The following NPHP4 variants were observed in gnomAD, a reference collection of about 807,000 sequenced individuals.
The protein encoded by NPHP4 is nephrocystin 4, also known as nephrocystin-4.
Under a neutral mutation model 155.8 loss-of-function variants are expected in NPHP4, and 151 were observed. The ratio of observed to expected loss-of-function variants is 0.97; its 90% CI spans 0.85 to 1.11. NPHP4 has a LOEUF of 1.11. Among genes scored for constraint, NPHP4 ranks in the 50% least tolerant of loss-of-function variants. NPHP4 has a pLI of 0.00. For missense variants in NPHP4, 1,956 were observed against 1,925.7 expected, an observed-to-expected ratio of 1.02 and a Z score of -0.29; for synonymous variants, 845 against 816.8, an observed-to-expected ratio of 1.03 and a Z score of -0.59.
At chr1:5,876,403 T>C (rs1468191657) in intron 20 of NPHP4, 1 of 152,628 alleles carries the variant, frequency 6.6e-6, no homozygotes, top group African/African-American at 2.4e-5. Flanking sequence ...CTTCTCACCA[T>C]GCCTCTTCCT....
At chr1:5,909,997 G>A (rs1339554482) in intron 11 of NPHP4, among the ~76,000 whole-genome samples, 1 of 152,170 alleles carries the variant, frequency 6.6e-6, no homozygotes, top group Non-Finnish European at 1.5e-5. Context: ...CTCAGCCCCT[G>A]CACCTCAGCA....
intron 2 of NPHP4, among the ~76,000 whole-genome samples, chr1:5,981,712 CTATT>C (rs1654732740): frequency 1.3e-5 from 2 of 152,190 alleles, no homozygotes; most frequent in Non-Finnish European, 2.9e-5. Flanking sequence ...TATATGAATT[CTATT>C]TATCTTCTTT....
intron 28 of NPHP4, 50 bp downstream of exon 28, chr1:5,864,288 C>T: frequency 1.3e-6 from 2 of 1,518,196 alleles, no homozygotes; most frequent in Non-Finnish European, 1.8e-6. Flanking sequence ...CTGCAGTGCC[C>T]TGGTATTGAG....
intron 11 of NPHP4, among the ~76,000 whole-genome samples, chr1:5,914,293 G>T (rs904410060): frequency 1.6e-5 from 2 of 127,962 alleles, no homozygotes; most frequent in Non-Finnish European, 3.2e-5. Context: ...AAAAGGCCTG[G>T]TGTGGTGGCA....
intron 11 of NPHP4, among the ~76,000 whole-genome samples, chr1:5,911,942 G>A (rs1645198052): frequency 6.6e-6 from 1 of 152,190 alleles, no homozygotes. Flanking sequence ...AGTCTGGGAA[G>A]CCTGACTTCC....
intron 2 of NPHP4, among the ~76,000 whole-genome samples, chr1:5,980,165 T>C (rs1654423842): frequency 6.6e-6 from 1 of 151,804 alleles, no homozygotes; most frequent in South Asian, 2.1e-4. Flanking sequence ...TAATCAAGTC[T>C]CTGCCCATGC....
rs116719272 is a variant in NPHP4 at position 5,975,667 on chromosome 1, C to T, written c.279+2603G>A. Reference sequence around the variant, plus strand: ...CCACCAGCACAGGTATTCCAGACTCCGAAAAGCCACCAGCTCCTAGTCTCC... The same window carrying T: ...CCACCAGCACAGGTATTCCAGACTCTGAAAAGCCACCAGCTCCTAGTCTCC... On this transcript the variant is annotated intron_variant, in intron 3 of 29. Coordinates refer to ENST00000378156, the MANE Select transcript of NPHP4 (RefSeq NM_015102.5). 5.5e-3 allele frequency among the ~76,000 whole-genome samples: 840 copies of T among 152,318 alleles called. 11 individuals carry two copies. Among genetic ancestry groups the T allele is most frequent in the African/African-American group, 0.019 (798 of 41,572 alleles).
chr1:5,980,407 C>T lies in NPHP4; in HGVS notation c.136-1994G>A, dbSNP rs1422857174. 2.7e-5 allele frequency among the ~76,000 whole-genome samples: 4 copies of T among 147,118 alleles called. No individual in the cohort carries two copies. In the East Asian group the frequency reaches 7.8e-4, roughly 29 times the overall value. ...GGCCAGGGAGGAGAGAAGGAATGAG[C>T]GCCAGGCGCAAGAGCGTTCAGGCAG... On this transcript the variant is annotated intron_variant, in intron 2 of 29. Transcript: ENST00000378156.
chr1:5,945,390 T>C (rs981321440), intron 9 of NPHP4, among the ~76,000 whole-genome samples: 1 of 148,368 alleles, frequency 6.7e-6, no homozygotes, highest in Admixed American at 6.7e-5. Flanking sequence ...TTAGCTGAAA[T>C]TTCTGGTCAT....
At chr1:5,879,598 T>A (rs202097188) in intron 19 of NPHP4, 160 of 519,090 alleles carry the variant, frequency 3.1e-4, no homozygotes, top group Non-Finnish European at 5.1e-4. Context: ...GGGTTCCCAC[T>A]TCTCCAAACA....
rs191289431 is a variant in NPHP4 at position 5,880,245 on chromosome 1, T to A, written c.2486-6A>T. 1 of 1,613,174 alleles carries A rather than the reference T, an allele frequency of 6.2e-7. No individual in the cohort carries two copies. Among genetic ancestry groups the A allele is most frequent in the East Asian group, 2.2e-5 (1 of 44,874 alleles). ...TTTCTGTTCACACGGGTGACCTACA[T>A]GAAAAACATCCCAACATAAGACATG... On this transcript the variant is annotated splice_region_variant and splice_polypyrimidine_tract_variant and intron_variant, in intron 18 of 29. Coordinates refer to ENST00000378156, the MANE Select transcript of NPHP4 (RefSeq NM_015102.5).
In NPHP4 at chr1:5,952,689, T is replaced by A. The variant is rs567382723; in HGVS notation, c.810+11A>T. 8 of 1,513,070 alleles carry A rather than the reference T, an allele frequency of 5.3e-6. No homozygotes were observed. The highest frequency in any genetic ancestry group is 2.6e-5 in the East Asian group (1 of 38,804). The allele number at this position is 1,513,070 out of a possible 1,614,324, so 93.7% of individuals were successfully genotyped here. ...CCCACCCTGCCCCCCATCACGCTTC[T>A]GACTCCACACCTCCTGGAAGTGGTC... On this transcript the variant is annotated intron_variant, in intron 7 of 29. Transcript: ENST00000378156.
At chr1:5,978,750 G>A (rs1338498767) in intron 2 of NPHP4, among the ~76,000 whole-genome samples, 3 of 152,158 alleles carry the variant, frequency 2.0e-5, no homozygotes, top group Admixed American at 6.5e-5. Flanking sequence ...CAACAGGTGA[G>A]AGAGAACAAG....
chr1:5,915,358 C>T lies in NPHP4; in HGVS notation c.1442-6145G>A, dbSNP rs557413289. On this transcript the variant is annotated intron_variant, in intron 11 of 29. Coordinates refer to ENST00000378156, the MANE Select transcript of NPHP4 (RefSeq NM_015102.5). ...GAAGAAGGGTTGCAAAAAGTAGCTTCCTTTCATCAGGCCGTGAAAATAAAG... is the reference window on the plus strand; with the variant it reads ...GAAGAAGGGTTGCAAAAAGTAGCTTTCTTTCATCAGGCCGTGAAAATAAAG... Among the ~76,000 whole-genome samples, 6 of 152,268 alleles carry T rather than the reference C, an allele frequency of 3.9e-5. No homozygotes were observed. In the South Asian group the frequency reaches 1.2e-3, roughly 32 times the overall value.
intron 16 of NPHP4, among the ~76,000 whole-genome samples, chr1:5,898,762 C>CA (rs1644522884): frequency 6.6e-6 from 1 of 152,160 alleles, no homozygotes. Flanking sequence ...GGTATGGGGC[C>CA]AGTGCTTTAA....
At chr1:5,972,176 C>G (rs920061231) in intron 3 of NPHP4, among the ~76,000 whole-genome samples, 29 of 152,258 alleles carry the variant, frequency 1.9e-4, no homozygotes, top group Non-Finnish European at 4.4e-5. Context: ...CAGAGAGGAG[C>G]TGAGCAGGAA....
At chr1:5,938,263 T>C (rs1054205884) in intron 9 of NPHP4, among the ~76,000 whole-genome samples, 1 of 152,210 alleles carries the variant, frequency 6.6e-6, no homozygotes, top group Admixed American at 6.5e-5. Context: ...CTCTTGGCCC[T>C]TGAGGCGAAC....
chr1:5,875,037 G>C lies in NPHP4; in HGVS notation c.2881C>G (p.Arg961Gly). ...CTGGCGATGCTCTCGGCCTTCGTGC[G>C]TTCCCGGTAGGCGGCGATGACCTGT... ...DLQVIAAYRERTKAESIASLL... is the reference protein window; with the variant it reads ...DLQVIAAYREGTKAESIASLL... The change falls in exon 21 of 30, where the codon CGC (arginine) becomes GGC (glycine). Residue 961 changes from arginine to glycine, a missense_variant. By Grantham distance (125) the Arg-to-Gly change is moderately radical. Coordinates refer to ENST00000378156, the MANE Select transcript of NPHP4 (RefSeq NM_015102.5). 1.9e-6 allele frequency: 3 copies of C among 1,609,406 alleles called. No homozygotes were observed. The highest frequency in any genetic ancestry group is 2.5e-6 in the Non-Finnish European group (3 of 1,179,818).
chr1:5,986,371 A>T (rs1655494127), intron 1 of NPHP4, 44 bp from the exon 2 acceptor site: 1 of 1,485,094 alleles, frequency 6.7e-7, no homozygotes, highest in African/African-American at 1.4e-5. Flanking sequence ...TGTGAGGGCT[A>T]CAGTGGTCAC....
Sources: allele counts gnomAD v4.1 joint callset (sites outside exome capture counted in the v4.1 genomes callset), GRCh38; gene constraint gnomAD v4.1.1; transcripts MANE v1.5; gene names NCBI Gene and HGNC (gene_info 2026-07-23, HGNC 2026-07-21).